TMEFF2: variants seen among roughly 807,000 people sequenced by gnomAD.
TMEFF2 encodes transmembrane protein with EGF like and two follistatin like domains 2, also known as tomoregulin-2.
In TMEFF2, 28 loss-of-function variants were observed where a neutral mutation model predicts 53.8. The observed-to-expected ratio is 0.52, with a 90% CI of 0.39 to 0.71. The LOEUF (loss-of-function observed/expected upper bound fraction) is 0.71. Ranked by LOEUF, TMEFF2 falls within the 30% of genes least tolerant of loss-of-function variation. TMEFF2 has a pLI of 0.00. For missense variants in TMEFF2, 353 were observed against 455.2 expected, an observed-to-expected ratio of 0.78 and a Z score of 2.04; for synonymous variants, 162 against 166.3, an observed-to-expected ratio of 0.97 and a Z score of 0.20.
At chr2:192,132,575 T>G (rs1463836023) in intron 4 of TMEFF2, among the ~76,000 whole-genome samples, 1 of 151,538 alleles carries the variant, frequency 6.6e-6, no homozygotes, top group Non-Finnish European at 1.5e-5. Flanking sequence ...AAAAAAAAGT[T>G]GCAATTCCTT....
Position 191,956,249 on chromosome 2 carries a change from T to C in TMEFF2, c.869+6A>G, listed in dbSNP as rs1457456430. ...CATTAACTATTCTTGCGAGTAAAAA[T>C]GTTACCTGCAAGATGGCTCCTGCAT... is the stretch of plus-strand genomic sequence containing the variant. On this transcript the variant is annotated splice_donor_region_variant and intron_variant, in intron 8 of 9. Transcript: ENST00000272771. The C allele has an allele frequency of 6.2e-7, 1 of 1,603,582 alleles. No individual in the cohort carries two copies. The highest frequency in any genetic ancestry group is 8.5e-7 in the Non-Finnish European group (1 of 1,176,752).
intron 4 of TMEFF2, among the ~76,000 whole-genome samples, chr2:192,146,149 A>G (rs1051564594): frequency 6.6e-6 from 1 of 152,014 alleles, no homozygotes; most frequent in Non-Finnish European, 1.5e-5. Context: ...TCCTGCCACC[A>G]TGCTAGGTTC....
chr2:192,068,108 C>T (rs1688207443), intron 4 of TMEFF2, among the ~76,000 whole-genome samples: 1 of 151,882 alleles, frequency 6.6e-6, no homozygotes, highest in African/African-American at 2.4e-5. Flanking sequence ...AGGCTCAGAA[C>T]TTTTACTTGT....
intron 9 of TMEFF2, among the ~76,000 whole-genome samples, chr2:191,953,377 A>G (rs578166041): frequency 6.6e-6 from 1 of 152,340 alleles, no homozygotes; most frequent in Admixed American, 6.5e-5. Context: ...ATACCAAGAT[A>G]TGTTAAAACT....
intron 4 of TMEFF2, among the ~76,000 whole-genome samples, chr2:192,077,778 A>G (rs909043489): frequency 1.0e-4 from 15 of 145,300 alleles, no homozygotes; most frequent in African/African-American, 3.7e-4. Flanking sequence ...ATACTTGTAC[A>G]CATACAATTT....
chr2:192,108,419 C>A (rs1251082410), intron 4 of TMEFF2, among the ~76,000 whole-genome samples: 1 of 151,774 alleles, frequency 6.6e-6, no homozygotes, highest in African/African-American at 2.4e-5. Context: ...TATTCCATAG[C>A]CTTCTTTACA....
chr2:192,013,719 G>C (rs559076531), intron 5 of TMEFF2, among the ~76,000 whole-genome samples: 165 of 152,180 alleles, frequency 1.1e-3, no homozygotes, highest in Non-Finnish European at 2.0e-3. Flanking sequence ...CAAAGTGCTG[G>C]GATTTACAGG....
intron 4 of TMEFF2, 56 bp downstream of exon 4, chr2:192,179,612 T>C: frequency 6.7e-7 from 1 of 1,500,412 alleles, no homozygotes; most frequent in Non-Finnish European, 9.0e-7. Context: ...CATAAGTAAA[T>C]ATACATAATA....
intron 4 of TMEFF2, among the ~76,000 whole-genome samples, chr2:192,131,977 T>C (rs1689844302): frequency 6.6e-6 from 1 of 152,120 alleles, no homozygotes; most frequent in Non-Finnish European, 1.5e-5. Context: ...CTTCCTAGTC[T>C]CTGTGCCCAG....
At chr2:192,010,624 G>A (rs748539071) in intron 5 of TMEFF2, among the ~76,000 whole-genome samples, 4 of 152,046 alleles carry the variant, frequency 2.6e-5, no homozygotes, top group African/African-American at 4.8e-5. Flanking sequence ...CTTGGTACCA[G>A]GTACTAGGCT....
At chr2:192,023,953 GT>G (rs370128723) in intron 5 of TMEFF2, among the ~76,000 whole-genome samples, 1 of 152,174 alleles carries the variant, frequency 6.6e-6, no homozygotes, top group African/African-American at 2.4e-5. Flanking sequence ...ACTAAATAGA[GT>G]GTTTCTTCTG....
chr2:191,998,334 A>C lies in TMEFF2; in HGVS notation c.686-13T>G, dbSNP rs1686274197. On this transcript the variant is annotated splice_polypyrimidine_tract_variant and intron_variant, in intron 6 of 9. Coordinates refer to ENST00000272771, the MANE Select transcript of TMEFF2 (RefSeq NM_016192.4). ...GTAGTTGTGTTATCTGTGTTAAAAA[A>C]TTAACAATAAAAATTGATTAACTGC... The C allele has an allele frequency of 6.3e-7, 1 of 1,575,880 alleles. No homozygotes were observed. The highest frequency in any genetic ancestry group is 1.4e-5 in the African/African-American group (1 of 73,262).
chr2:192,073,438 T>C (rs60397608), intron 4 of TMEFF2, among the ~76,000 whole-genome samples: 29,937 of 151,540 alleles, frequency 0.2, 3,379 homozygotes, highest in East Asian at 0.43. Flanking sequence ...TTTTTTTTTT[T>C]AAGCAAGTTA....
intron 7 of TMEFF2, among the ~76,000 whole-genome samples, chr2:191,961,875 T>C (rs1160334553): frequency 6.6e-6 from 1 of 152,164 alleles, no homozygotes; most frequent in Non-Finnish European, 1.5e-5. Flanking sequence ...CACAATAACC[T>C]CACCTGCTGT....
At chr2:192,085,075 A>G (rs1688639071) in intron 4 of TMEFF2, among the ~76,000 whole-genome samples, 1 of 152,208 alleles carries the variant, frequency 6.6e-6, no homozygotes, top group African/African-American at 2.4e-5. Flanking sequence ...TGAAATCTGT[A>G]TTCAGGATGT....
chr2:192,074,044 G>A (rs1011334017), intron 4 of TMEFF2, among the ~76,000 whole-genome samples: 1 of 151,780 alleles, frequency 6.6e-6, no homozygotes, highest in African/African-American at 2.4e-5. Flanking sequence ...TGCCTGGGAG[G>A]GTCAACTGAG....
At chr2:192,141,138 C>A (rs1690126968) in intron 4 of TMEFF2, among the ~76,000 whole-genome samples, 1 of 151,982 alleles carries the variant, frequency 6.6e-6, no homozygotes. Flanking sequence ...AAGGTGAAGG[C>A]TGTTAGAACT....
chr2:192,135,870 T>G (rs1477660490), intron 4 of TMEFF2, among the ~76,000 whole-genome samples: 1 of 151,668 alleles, frequency 6.6e-6, no homozygotes, highest in Non-Finnish European at 1.5e-5. Context: ...TGAATTTCCT[T>G]CTCCTGGCTC....
chr2:191,982,504 C>CA (rs10678696), intron 7 of TMEFF2, among the ~76,000 whole-genome samples: 90,642 of 138,516 alleles, frequency 0.65, 30,174 homozygotes, highest in East Asian at 0.89. Context: ...TGAAAACAGG[C>CA]AAAAAAAAAA....
Sources: allele counts gnomAD v4.1 joint callset (sites outside exome capture counted in the v4.1 genomes callset), GRCh38; gene constraint gnomAD v4.1.1; transcripts MANE v1.5; gene names NCBI Gene and HGNC (gene_info 2026-07-23, HGNC 2026-07-21).